Variants in AGBL4 observed in about 807,000 individuals in gnomAD.
The protein encoded by AGBL4 is cytosolic carboxypeptidase 6.
AGBL4 carries 58 observed loss-of-function variants against 66.4 expected under a neutral mutation model. That is an observed-to-expected ratio of 0.87 (90% CI 0.71 to 1.09). The LOEUF is 1.09. Among genes scored for constraint, AGBL4 ranks in the 50% least tolerant of loss-of-function variants. AGBL4 has a pLI of 0.00. For missense variants in AGBL4, 579 were observed against 631.0 expected, an observed-to-expected ratio of 0.92 and a Z score of 0.88; for synonymous variants, 234 against 222.9, an observed-to-expected ratio of 1.05 and a Z score of -0.44.
intron 3 of AGBL4, among the ~76,000 whole-genome samples, chr1:49,363,589 A>AG (rs966230401): frequency 1.6e-4 from 25 of 152,228 alleles, no homozygotes; most frequent in African/African-American, 5.8e-4. Context: ...GATTGCCACT[A>AG]GGGGGGAGTT....
At chr1:49,221,528 A>AATGCACT (rs1480761696) in intron 4 of AGBL4, among the ~76,000 whole-genome samples, 1 of 152,194 alleles carries the variant, frequency 6.6e-6, no homozygotes, top group Non-Finnish European at 1.5e-5. Flanking sequence ...TACAAAGGAG[A>AATGCACT]ATGCACTATC....
intron 3 of AGBL4, among the ~76,000 whole-genome samples, chr1:49,696,449 A>G (rs144829646): frequency 1.1e-3 from 173 of 152,272 alleles, no homozygotes; most frequent in African/African-American, 4.1e-3. Context: ...CTCATCTGGA[A>G]ATCGAAAATC....
At chr1:49,420,822 C>A (rs1645530158) in intron 3 of AGBL4, among the ~76,000 whole-genome samples, 1 of 152,102 alleles carries the variant, frequency 6.6e-6, no homozygotes, top group African/African-American at 2.4e-5. Context: ...AGCTATATAG[C>A]TAGAACCTAA....
chr1:49,314,579 C>G (rs1249484256), intron 3 of AGBL4, among the ~76,000 whole-genome samples: 1 of 152,128 alleles, frequency 6.6e-6, no homozygotes, highest in Non-Finnish European at 1.5e-5. Context: ...TTTATGGCTG[C>G]ATAGTATTCC....
At chr1:49,707,367 CTTTT>C (rs34368394) in intron 2 of AGBL4, among the ~76,000 whole-genome samples, 7 of 76,212 alleles carry the variant, frequency 9.2e-5, no homozygotes, top group African/African-American at 3.0e-4. Flanking sequence ...GCAACCCCTG[CTTTT>C]TTTTTTTTTT....
At chr1:49,424,430 G>A (rs1217763202) in intron 3 of AGBL4, among the ~76,000 whole-genome samples, 3 of 152,092 alleles carry the variant, frequency 2.0e-5, no homozygotes, top group Non-Finnish European at 4.4e-5. Context: ...TTAAATGAAA[G>A]AGAAACCAAA....
chr1:49,826,603 G>A (rs527509509), intron 2 of AGBL4, among the ~76,000 whole-genome samples: 1 of 152,266 alleles, frequency 6.6e-6, no homozygotes, highest in African/African-American at 2.4e-5. Flanking sequence ...AGACAAAGAA[G>A]GCAGAAATAG....
At chr1:49,481,459 T>C (rs1046408415) in intron 3 of AGBL4, among the ~76,000 whole-genome samples, 2 of 151,892 alleles carry the variant, frequency 1.3e-5, no homozygotes, top group African/African-American at 2.4e-5. Flanking sequence ...ATGAGAATGC[T>C]AGTGACTTTT....
At chr1:49,936,740 CT>C (rs548813452) in intron 1 of AGBL4, among the ~76,000 whole-genome samples, 1,717 of 152,182 alleles carry the variant, frequency 0.011, 13 homozygotes, top group Non-Finnish European at 0.018. Flanking sequence ...CCAAACTAAG[CT>C]TCATAAAAGT....
chr1:48,888,287 A>G (rs1320799908), intron 5 of AGBL4, among the ~76,000 whole-genome samples: 2 of 152,142 alleles, frequency 1.3e-5, no homozygotes, highest in African/African-American at 2.4e-5. Context: ...CTGCATGTCA[A>G]TGGGGAGCTA....
At chr1:48,643,772 C>T (rs189646771) in intron 8 of AGBL4, among the ~76,000 whole-genome samples, 158 of 115,082 alleles carry the variant, frequency 1.4e-3, no homozygotes, top group African/African-American at 4.0e-3. Context: ...TGGTCAGCTC[C>T]GGAAAAGAAG....
intron 1 of AGBL4, among the ~76,000 whole-genome samples, chr1:49,944,450 G>A (rs1023929689): frequency 4.6e-5 from 7 of 152,080 alleles, no homozygotes; most frequent in African/African-American, 1.7e-4. Flanking sequence ...CCTAGATCAA[G>A]GAGAGAAATA....
chr1:48,985,083 A>G (rs1660078037), intron 5 of AGBL4, among the ~76,000 whole-genome samples: 1 of 152,150 alleles, frequency 6.6e-6, no homozygotes, highest in African/African-American at 2.4e-5. Flanking sequence ...AACCAAAAAA[A>G]CAGAAGAAAA....
intron 3 of AGBL4, among the ~76,000 whole-genome samples, chr1:49,260,480 C>A (rs1653027711): frequency 6.6e-6 from 1 of 152,048 alleles, no homozygotes; most frequent in Non-Finnish European, 1.5e-5. Context: ...GGGGATATCA[C>A]CACCGATCCC....
chr1:49,491,894 A>G (rs1647192116), intron 3 of AGBL4, among the ~76,000 whole-genome samples: 1 of 151,990 alleles, frequency 6.6e-6, no homozygotes, highest in South Asian at 2.1e-4. Flanking sequence ...CCCTGTATAT[A>G]TTATGTTTTC....
At chr1:49,415,214 A>G (rs1413707694) in intron 3 of AGBL4, among the ~76,000 whole-genome samples, 1 of 152,150 alleles carries the variant, frequency 6.6e-6, no homozygotes, top group African/African-American at 2.4e-5. Context: ...GCTGATTAGA[A>G]TTATTTTTGT....
intron 1 of AGBL4, among the ~76,000 whole-genome samples, chr1:49,881,850 T>C (rs1383253102): frequency 6.6e-6 from 1 of 151,748 alleles, no homozygotes; most frequent in Admixed American, 6.6e-5. Flanking sequence ...CTGTTCACTC[T>C]GATGGTAGTT....
chr1:49,041,467 G>C (rs1643939495), intron 5 of AGBL4, among the ~76,000 whole-genome samples: 1 of 152,054 alleles, frequency 6.6e-6, no homozygotes, highest in East Asian at 1.9e-4. Context: ...TTCTTAAAAT[G>C]CTGCTTTGGA....
chr1:49,967,975 G>A (rs1657710934), intron 1 of AGBL4, among the ~76,000 whole-genome samples: 1 of 152,078 alleles, frequency 6.6e-6, no homozygotes, highest in South Asian at 2.1e-4. Context: ...TATAATTCCA[G>A]CACTTTGGGA....
Sources: allele counts gnomAD v4.1 joint callset (sites outside exome capture counted in the v4.1 genomes callset), GRCh38; gene constraint gnomAD v4.1.1; transcripts MANE v1.5; gene names NCBI Gene and HGNC (gene_info 2026-07-23, HGNC 2026-07-21).